RIF1: variants seen among roughly 807,000 people sequenced by gnomAD.
RIF1 encodes telomere-associated protein RIF1.
Under a neutral mutation model 247.1 loss-of-function variants are expected in RIF1, and 45 were observed. That is an observed-to-expected ratio of 0.18 (90% CI 0.14 to 0.23). The LOEUF (loss-of-function observed/expected upper bound fraction) is 0.23, where lower values mean the gene tolerates loss of function less well. RIF1 is among the 10% of genes least tolerant of loss of function. The pLI is 1.00. For missense variants in RIF1, 2,967 were observed against 2,862.5 expected (o/e 1.04, Z -0.83); for synonymous variants, 1,087 against 978.8 (o/e 1.11, Z -2.06).
chr2:151,528,904 C>T, the RIF1 span, among the ~76,000 whole-genome samples: 4 of 152,188 alleles, frequency 2.6e-5, no homozygotes, highest in Non-Finnish European at 5.9e-5. Flanking sequence ...TGCTCAGGCA[C>T]TTTCCAAAAA....
chr2:151,458,483 C>T (rs1468144386), intron 24 of RIF1, among the ~76,000 whole-genome samples: 2 of 151,956 alleles, frequency 1.3e-5, no homozygotes, highest in East Asian at 3.9e-4. Context: ...CTGCGTGCCT[C>T]AGCCTCCCAA....
rs118174336 is a variant in RIF1 at position 151,462,471 on chromosome 2, G to A, written c.3363+5G>A. The A allele has an allele frequency of 1.6e-3, 2,544 of 1,546,038 alleles. 27 individuals are homozygous for A. The East Asian group carries it at 0.032, about 19-fold the overall frequency. ...GATTCTAAGATGATGATTACGGTAT[G>A]TTTGACATTTCATATTTTGGGCTTT... is the stretch of plus-strand genomic sequence containing the variant. On this transcript the variant is annotated splice_donor_5th_base_variant and intron_variant, in intron 29 of 35. Transcript: ENST00000444746.
At chr2:151,496,998 A>G in intron 10 of RIF1, 1 of 1,578,322 alleles carries the variant, frequency 6.3e-7, no homozygotes, top group East Asian at 2.3e-5. Flanking sequence ...TGACAGGTAG[A>G]GGGGTTCCCT....
At chr2:151,426,968 C>T (rs1003813707) in intron 8 of RIF1, among the ~76,000 whole-genome samples, 1 of 151,900 alleles carries the variant, frequency 6.6e-6, no homozygotes, top group African/African-American at 2.4e-5. Flanking sequence ...TTTCTTTCAG[C>T]AGTGCTTCAT....
At chr2:151,505,399 C>T in intron 12 of RIF1, 1 of 1,214,354 alleles carries the variant, frequency 8.2e-7, no homozygotes. Context: ...TGATAGGAAG[C>T]AGAAAGATGA....
chr2:151,462,353 CTGTT>C, intron 28 of RIF1, 31 bp downstream of exon 28: 1 of 1,477,218 alleles, frequency 6.8e-7, no homozygotes, highest in Admixed American at 2.0e-5. Flanking sequence ...ACTTTTATAT[CTGTT>C]TTATTCATTT....
At chr2:151,461,688 G>A (rs1022878042) in intron 27 of RIF1, among the ~76,000 whole-genome samples, 17 of 151,958 alleles carry the variant, frequency 1.1e-4, no homozygotes, top group African/African-American at 2.9e-4. Flanking sequence ...CACCACACCC[G>A]GCCACGTGTA....
In RIF1 at chr2:151,454,751, T is replaced by C. The variant is rs1043198519; in HGVS notation, c.2345-144T>C. On this transcript the variant is annotated intron_variant, in intron 21 of 35. Transcript: ENST00000444746. ...TATCCATTAATGGTACATTATGTTA[T>C]GATTTGTTTGGGGTGTCAGTCAGCA... The C allele has an allele frequency of 1.0e-5, 6 of 575,864 alleles. No individual in the cohort carries two copies. In the Admixed American group the frequency reaches 1.8e-4, roughly 17 times the overall value. The allele number at this position is 575,864 out of a possible 1,614,324, so 35.7% of individuals were successfully genotyped here.
chr2:151,495,451 C>T (rs184172192), intron 10 of RIF1: 103 of 152,338 alleles, frequency 6.8e-4, no homozygotes, highest in African/African-American at 2.3e-3. Context: ...TATTCTGATG[C>T]GTGCTAATGT....
rs555639331 is a variant in RIF1 at position 151,491,840 on chromosome 2, G to T, written c.*416-3389G>T. 62 of 1,329,378 alleles carry T rather than the reference G, an allele frequency of 4.7e-5. No homozygotes were observed. The Admixed American group carries it at 1.2e-3, about 26-fold the overall frequency. The allele number at this position is 1,329,378 out of a possible 1,614,324, so 82.3% of individuals were successfully genotyped here. On this transcript the variant is annotated intron_variant and NMD_transcript_variant, in intron 9 of 13. Coordinates refer to the RIF1 transcript ENST00000454583. ...GTTTTCCAATAACTTGAAAACCAAG[G>T]CATGAATTTTAACAACCACCAAAGG...
intron 21 of RIF1, among the ~76,000 whole-genome samples, chr2:151,453,522 A>G (rs1694679983): frequency 7.0e-6 from 1 of 143,286 alleles, no homozygotes; most frequent in Non-Finnish European, 1.5e-5. Context: ...GGTTGCAGTG[A>G]GCTGAGATCA....
Position 151,458,760 on chromosome 2 carries a change from T to C in RIF1, c.2856-51T>C, listed in dbSNP as rs185505818. The C allele has an allele frequency of 3.0e-6, 3 of 999,900 alleles. No individual in the cohort carries two copies. In the Admixed American group the frequency reaches 6.5e-5, roughly 22 times the overall value. The allele number at this position is 999,900 out of a possible 1,614,324, so 61.9% of individuals were successfully genotyped here. A position where few individuals can be genotyped will look rare whatever the true frequency, so the allele number is the denominator to read the frequency against. ...TGCTGTTGTTAACAGATCATCAGTG[T>C]TCACCAGTACTACTTGACTTAAGGT... On this transcript the variant is annotated intron_variant, in intron 24 of 35. Coordinates refer to ENST00000444746, the MANE Select transcript of RIF1 (RefSeq NM_018151.5).
chr2:151,419,706 G>A (rs1016967346), intron 6 of RIF1, among the ~76,000 whole-genome samples: 1 of 152,198 alleles, frequency 6.6e-6, no homozygotes, highest in Non-Finnish European at 1.5e-5. Flanking sequence ...TGAGAGCGCA[G>A]TAGATTTGTT....
intron 22 of RIF1, among the ~76,000 whole-genome samples, chr2:151,455,536 A>G (rs376098976): frequency 4.6e-5 from 7 of 152,212 alleles, no homozygotes; most frequent in African/African-American, 1.7e-4. Context: ...TTCTGCATTC[A>G]TGGATTCAAC....
At chr2:151,451,978 G>C (rs923590355) in intron 21 of RIF1, among the ~76,000 whole-genome samples, 2 of 152,064 alleles carry the variant, frequency 1.3e-5, no homozygotes, top group Non-Finnish European at 2.9e-5. Flanking sequence ...TCTAATTAGA[G>C]ATTGCCTAAT....
chr2:151,513,468 G>A, the RIF1 span: 2,316 of 741,684 alleles, frequency 3.1e-3, 9 homozygotes, highest in Non-Finnish European at 4.4e-3. Context: ...GTTCAAGAAT[G>A]CCATTGTATG....
the RIF1 span, among the ~76,000 whole-genome samples, chr2:151,516,108 G>A: frequency 1.3e-5 from 2 of 152,196 alleles, no homozygotes; most frequent in Non-Finnish European, 2.9e-5. Flanking sequence ...TCTACTAAGA[G>A]TAGAGCATTT....
intron 12 of RIF1, chr2:151,506,091 A>C: frequency 1.6e-6 from 2 of 1,258,862 alleles, no homozygotes; most frequent in Non-Finnish European, 2.3e-6. Context: ...AGAGGCTTTG[A>C]GTGCAACTCA....
intron 4 of RIF1, among the ~76,000 whole-genome samples, chr2:151,415,555 C>T (rs1687051339): frequency 1.1e-5 from 1 of 87,368 alleles, no homozygotes; most frequent in Non-Finnish European, 2.1e-5. Context: ...CAGACTGGGA[C>T]TCTGTCTCAA....
Sources: allele counts gnomAD v4.1 joint callset (sites outside exome capture counted in the v4.1 genomes callset), GRCh38; gene constraint gnomAD v4.1.1; transcripts MANE v1.5; gene names NCBI Gene and HGNC (gene_info 2026-07-23, HGNC 2026-07-21).